The following SLC35F2 variants were observed in gnomAD, a reference collection of about 807,000 sequenced individuals.
SLC35F2 encodes the protein solute carrier family 35 member F2.
SLC35F2 carries 25 observed loss-of-function variants against 38.1 expected under a neutral mutation model. The observed-to-expected ratio is 0.66, with a 90% confidence interval of 0.48 to 0.92. The LOEUF (loss-of-function observed/expected upper bound fraction) is 0.92, where lower values mean the gene tolerates loss of function less well. Among genes scored for constraint, SLC35F2 ranks in the 40% least tolerant of loss-of-function variants. SLC35F2 has a pLI of 0.00. For missense variants in SLC35F2, 409 were observed against 452.9 expected (o/e 0.90, Z 0.88); for synonymous variants, 173 against 181.7 (o/e 0.95, Z 0.38).
rs1178673709 is a variant in SLC35F2, at chr11:107,843,868, A to AAT, written c.110+14788_110+14789dup. Among the ~76,000 whole-genome samples the AAT allele has an allele frequency of 5.9e-3, 275 of 46,786 alleles. 1 individual carries two copies. Among genetic ancestry groups the AAT allele is most frequent in the Non-Finnish European group, 6.9e-3 (185 of 26,692 alleles). The allele number at this position is 46,786 out of a possible 152,430, so 30.7% of individuals were successfully genotyped here. On this transcript the variant is annotated intron_variant, in intron 1 of 7. Transcript: ENST00000525815. ...TCTTAAAAAAAAAAAAAAAAAAAAA[A>AAT]ATATATATATATATATATATATATA...
At chr11:107,827,452 T>C (rs1011797745) in intron 1 of SLC35F2, among the ~76,000 whole-genome samples, 13 of 151,862 alleles carry the variant, frequency 8.6e-5, no homozygotes, top group South Asian at 8.3e-4. Flanking sequence ...CCATCTCTAC[T>C]AAAAATACAA....
intron 1 of SLC35F2, among the ~76,000 whole-genome samples, chr11:107,825,746 G>T (rs1326647971): frequency 1.3e-5 from 2 of 152,148 alleles, no homozygotes; most frequent in African/African-American, 4.8e-5. Flanking sequence ...GAGTGAGCAA[G>T]GGTCTACAGC....
At chr11:107,816,015 T>C (rs1042977795) in intron 1 of SLC35F2, 50 bp from the exon 2 acceptor site, 13 of 1,228,816 alleles carry the variant, frequency 1.1e-5, no homozygotes, top group African/African-American at 8.8e-5. Context: ...AGTTATACCT[T>C]ACACACACAC....
chr11:107,803,155 GC>G lies in SLC35F2; in HGVS notation c.785-1del. The G allele has an allele frequency of 1.3e-6, 2 of 1,595,666 alleles. No individual in the cohort carries two copies. Among genetic ancestry groups the G allele is most frequent in the South Asian group, 2.3e-5 (2 of 87,328 alleles). On this transcript the variant is annotated splice_acceptor_variant, in intron 6 of 7. Coordinates refer to ENST00000525815, the MANE Select transcript of SLC35F2 (RefSeq NM_017515.5). LOFTEE classifies it high-confidence loss of function. ...CAGGGCAAATGCCACGAACAGCAGGGCTGTGGAAAAAAACATGGAATATCTA... is the reference window on the plus strand; with the variant it reads ...CAGGGCAAATGCCACGAACAGCAGGGTGTGGAAAAAAACATGGAATATCTA...
chr11:107,811,924 T>C, intron 2 of SLC35F2, 130 bp from the exon 3 acceptor site: 2 of 839,134 alleles, frequency 2.4e-6, no homozygotes, highest in Non-Finnish European at 3.6e-6. Flanking sequence ...CTTTTTGAGA[T>C]AGGGTCTCAT....
chr11:107,816,014 T>TCACACA (rs769254469), intron 1 of SLC35F2, 49 bp from the exon 2 acceptor site: 1 of 1,302,366 alleles, frequency 7.7e-7, no homozygotes, highest in African/African-American at 2.3e-5. Context: ...AAGTTATACC[T>TCACACA]TACACACACA....
Position 107,806,763 on chromosome 11 carries a change from T to G in SLC35F2, c.528A>C (p.Gly176=), listed in dbSNP as rs754019781. 1.9e-6 allele frequency: 3 copies of G among 1,614,050 alleles called. No individual in the cohort carries two copies. The highest frequency in any genetic ancestry group is 2.5e-6 in the Non-Finnish European group (3 of 1,179,964). ...IAVAVCLLGV[G]TMVGADILAG... ...CTAGTATGTCTGCACCAACCATGGT[T>G]CCTACACCCAACAGACAGACAGCCA... The change falls in exon 4 of 8, where the codon GGA becomes GGC. Residue 176 remains glycine, a synonymous_variant. Coordinates refer to ENST00000525815, the MANE Select transcript of SLC35F2 (RefSeq NM_017515.5).
At chr11:107,825,271 T>C (rs539833590) in intron 1 of SLC35F2, among the ~76,000 whole-genome samples, 48 of 152,234 alleles carry the variant, frequency 3.2e-4, no homozygotes, top group African/African-American at 1.1e-3. Context: ...TCTCAAACTT[T>C]CATGTGATAT....
At chr11:107,841,983 G>A (rs1237227352) in intron 1 of SLC35F2, among the ~76,000 whole-genome samples, 4 of 150,486 alleles carry the variant, frequency 2.7e-5, no homozygotes, top group African/African-American at 4.9e-5. Flanking sequence ...GGAGAATTGC[G>A]TGAACCCAGG....
chr11:107,795,715 A>C (rs1178703800), intron 7 of SLC35F2, among the ~76,000 whole-genome samples: 3 of 152,240 alleles, frequency 2.0e-5, no homozygotes, highest in Non-Finnish European at 4.4e-5. Context: ...ATATGAAAAA[A>C]TGTTCAACAT....
intron 1 of SLC35F2, among the ~76,000 whole-genome samples, chr11:107,848,779 GC>G (rs955305411): frequency 6.6e-6 from 1 of 152,140 alleles, no homozygotes; most frequent in African/African-American, 2.4e-5. Context: ...CCAGAGGCCA[GC>G]CCAGAAGCCC....
chr11:107,854,759 G>A (rs1444221471), intron 1 of SLC35F2, among the ~76,000 whole-genome samples: 4 of 152,110 alleles, frequency 2.6e-5, no homozygotes, highest in Non-Finnish European at 5.9e-5. Context: ...AACATAACAA[G>A]CTCTATGCCC....
chr11:107,856,958 T>G, intron 1 of SLC35F2, among the ~76,000 whole-genome samples: 1 of 122,362 alleles, frequency 8.2e-6, no homozygotes, highest in Non-Finnish European at 1.7e-5. Flanking sequence ...CACAGAGAAG[T>G]TAAGTGACTT....
chr11:107,835,952 TGAA>T (rs1859923285), intron 1 of SLC35F2, among the ~76,000 whole-genome samples: 1 of 152,178 alleles, frequency 6.6e-6, no homozygotes, highest in Non-Finnish European at 1.5e-5. Flanking sequence ...GGTCTTGACT[TGAA>T]GAATAAAGAC....
At chr11:107,804,576 T>A (rs1859365189) in intron 6 of SLC35F2, 142 bp downstream of exon 6, 2 of 577,584 alleles carry the variant, frequency 3.5e-6, no homozygotes, top group Non-Finnish European at 5.9e-6. Flanking sequence ...AAACTCAATG[T>A]AAACCACTAT....
chr11:107,856,659 T>A (rs1351790692), intron 1 of SLC35F2, among the ~76,000 whole-genome samples: 1 of 151,844 alleles, frequency 6.6e-6, no homozygotes, highest in Non-Finnish European at 1.5e-5. Context: ...ATAGAGCCTC[T>A]GCACTCAGGC....
intron 1 of SLC35F2, among the ~76,000 whole-genome samples, chr11:107,830,747 A>G (rs1406612093): frequency 1.3e-5 from 2 of 152,168 alleles, no homozygotes; most frequent in Admixed American, 6.6e-5. Context: ...AGCTCTAATT[A>G]TATCAACCAA....
At chr11:107,827,684 G>A (rs1178640787) in intron 1 of SLC35F2, among the ~76,000 whole-genome samples, 1 of 151,570 alleles carries the variant, frequency 6.6e-6, no homozygotes, top group African/African-American at 2.4e-5. Context: ...AGGAGGCAGT[G>A]GTTGCAGTGA....
intron 3 of SLC35F2, chr11:107,811,018 T>TTGAG: frequency 1.0e-6 from 1 of 985,214 alleles, no homozygotes; most frequent in Non-Finnish European, 1.2e-6. Context: ...CATTTGAGTC[T>TTGAG]ATCTCACTTT....
Sources: allele counts gnomAD v4.1 joint callset (sites outside exome capture counted in the v4.1 genomes callset), GRCh38; gene constraint gnomAD v4.1.1; transcripts MANE v1.5; gene names NCBI Gene and HGNC (gene_info 2026-07-23, HGNC 2026-07-21).